The following HCLS1 variants were observed in gnomAD, a reference collection of about 807,000 sequenced individuals.
HCLS1 encodes the protein hematopoietic cell-specific Lyn substrate 1.
HCLS1 carries 44 observed loss-of-function variants against 68.6 expected under a neutral mutation model. That is an observed-to-expected ratio of 0.64 (90% CI 0.50 to 0.82). The LOEUF is 0.82. Ranked by LOEUF, HCLS1 falls within the 40% of genes least tolerant of loss-of-function variation. The pLI, the probability that HCLS1 is intolerant of heterozygous loss-of-function variation, is 0.00. For missense variants in HCLS1, 602 were observed against 612.1 expected, an observed-to-expected ratio of 0.98 and a Z score of 0.17; for synonymous variants, 217 against 225.8, an observed-to-expected ratio of 0.96 and a Z score of 0.35.
chr3:121,653,949 T>C (rs145890638), intron 3 of HCLS1: 115 of 152,346 alleles, frequency 7.5e-4, no homozygotes, highest in African/African-American at 2.5e-3. Context: ...GAAACTTTTA[T>C]AGCAATTTGA....
In HCLS1 at chr3:121,658,365, T is replaced by G; in HGVS notation, c.1-18A>C. 1 of 1,593,686 alleles carries G rather than the reference T, an allele frequency of 6.3e-7. No individual in the cohort carries two copies. The highest frequency in any genetic ancestry group is 8.6e-7 in the Non-Finnish European group (1 of 1,161,958). On this transcript the variant is annotated intron_variant, in intron 1 of 13. Transcript: ENST00000314583. ...TTCCACATCTGAGAGTGACCGGAGA[T>G]GGGAATAATTAGGGACAAAAAAGGA...
chr3:121,638,216 C>T (rs1452269770), intron 6 of HCLS1, among the ~76,000 whole-genome samples: 2 of 152,036 alleles, frequency 1.3e-5, no homozygotes, highest in African/African-American at 4.8e-5. Context: ...CAGGTGCCAC[C>T]ATGACTTGCT....
At chr3:121,646,316 A>G (rs1260529815) in intron 4 of HCLS1, among the ~76,000 whole-genome samples, 1 of 102,118 alleles carries the variant, frequency 9.8e-6, no homozygotes, top group African/African-American at 4.0e-5. Context: ...CTTATATAAT[A>G]TAATATATAT....
chr3:121,658,107 G>A (rs911954761), intron 2 of HCLS1, 157 bp downstream of exon 2: 1 of 644,378 alleles, frequency 1.6e-6, no homozygotes, highest in African/African-American at 1.8e-5. Flanking sequence ...ATGCCCCACA[G>A]GTGACAGCCA....
chr3:121,652,691 T>G (rs1162565429), intron 3 of HCLS1, among the ~76,000 whole-genome samples: 1 of 152,070 alleles, frequency 6.6e-6, no homozygotes, highest in Non-Finnish European at 1.5e-5. Flanking sequence ...TGAAAAATAA[T>G]AAAGTGAAGA....
chr3:121,638,297 A>G (rs2049168142), intron 6 of HCLS1, among the ~76,000 whole-genome samples: 1 of 152,146 alleles, frequency 6.6e-6, no homozygotes, highest in Non-Finnish European at 1.5e-5. Context: ...TCCTGGGCTC[A>G]AAGGACCCAC....
At position 121,632,380 on chromosome 3, in the gene HCLS1, C is replaced by T. The variant is rs1317265783; in HGVS notation, c.1192G>A (p.Glu398Lys). Residue 398 changes from glutamate to lysine, a missense_variant, in exon 12 of 14, where the codon GAG (glutamate) becomes AAG (lysine). By Grantham distance (56) the Glu-to-Lys change is moderately conservative (BLOSUM62 1). Coordinates refer to ENST00000314583, the MANE Select transcript of HCLS1 (RefSeq NM_005335.6). ...GAATCTTCAGGCTCGAGCACCTCCT[C>T]ATAGTCCCCCTCTGGTTCATCCTCC... The part of the protein sequence containing the change: ...EQEDEPEGDY[E>K]EVLEPEDSSF... The T allele has an allele frequency of 5.0e-6, 8 of 1,614,174 alleles. No homozygotes were observed. Among genetic ancestry groups the T allele is most frequent in the Non-Finnish European group, 5.9e-6 (7 of 1,180,018 alleles).
intron 7 of HCLS1, 48 bp from the exon 8 acceptor site, chr3:121,636,537 T>G: frequency 7.1e-7 from 1 of 1,407,922 alleles, no homozygotes; most frequent in Non-Finnish European, 1.0e-6. Context: ...ATGCTGGGAA[T>G]GGGTGGTGAG....
At chr3:121,642,072 T>G in intron 6 of HCLS1, among the ~76,000 whole-genome samples, 1 of 95,080 alleles carries the variant, frequency 1.1e-5, no homozygotes, top group African/African-American at 4.2e-5. Context: ...AGAGCCAGAC[T>G]CCGTCGCAAA....
rs528137850 is a variant in HCLS1 at position 121,644,711 on chromosome 3, A to G, written c.399+107T>C. ...ACGGTGTCAGGTCCTCACAGCATCC[A>G]CTGTCCTGTCTTTCAACAAAGAAGC... On this transcript the variant is annotated intron_variant, in intron 5 of 13. Transcript: ENST00000314583. The G allele has an allele frequency of 4.6e-5, 39 of 842,256 alleles. No individual in the cohort carries two copies. The East Asian group carries it at 9.2e-4, about 20-fold the overall frequency. 52.2% of individuals were successfully genotyped at this position (842,256 alleles called of 1,614,324 possible). A position where few individuals can be genotyped will look rare whatever the true frequency, so the allele number is the denominator to read the frequency against.
At chr3:121,651,865 T>C (rs1412958213) in intron 3 of HCLS1, among the ~76,000 whole-genome samples, 1 of 152,228 alleles carries the variant, frequency 6.6e-6, no homozygotes, top group Admixed American at 6.5e-5. Context: ...ACACTTATTA[T>C]ATGACTCAGC....
At chr3:121,637,036 C>T in intron 7 of HCLS1, 110 bp downstream of exon 7, 1 of 743,742 alleles carries the variant, frequency 1.3e-6, no homozygotes, top group Non-Finnish European at 2.4e-6. Context: ...GCACCCCCTG[C>T]TCTGCACATC....
At chr3:121,635,633 G>T in intron 9 of HCLS1, 102 bp downstream of exon 9, 1 of 913,420 alleles carries the variant, frequency 1.1e-6, no homozygotes, top group Non-Finnish European at 1.8e-6. Context: ...GTCTAACTCA[G>T]CTAATCTAGG....
intron 3 of HCLS1, chr3:121,655,513 C>T (rs1319099271): frequency 9.7e-6 from 1 of 102,820 alleles, no homozygotes; most frequent in African/African-American, 3.8e-5. Context: ...TATTGCAAGT[C>T]GTCATGGCGG....
rs1128163 is a variant in HCLS1, at chr3:121,631,726, A to G, written c.*120T>C. 0.24 allele frequency: 249,304 copies of G among 1,053,022 alleles called. 31,156 individuals carry two copies. Among genetic ancestry groups the G allele is most frequent in the East Asian group, 0.4 (15,971 of 39,814 alleles). 65.2% of individuals were successfully genotyped at this position (1,053,022 alleles called of 1,614,324 possible). A position where few individuals can be genotyped will look rare whatever the true frequency, so the allele number is the denominator to read the frequency against. ...TGCCCCAAGCCCTTAATGAAGCAGGAGAGGGAAGTCTGTCCAGAACCTCAT... is the reference window on the plus strand; with the variant it reads ...TGCCCCAAGCCCTTAATGAAGCAGGGGAGGGAAGTCTGTCCAGAACCTCAT... On this transcript the variant is annotated 3_prime_UTR_variant, in exon 14 of 14. Coordinates refer to ENST00000314583, the MANE Select transcript of HCLS1 (RefSeq NM_005335.6).
chr3:121,659,745 T>C (rs1298133969), intron 1 of HCLS1, among the ~76,000 whole-genome samples: 2 of 150,968 alleles, frequency 1.3e-5, no homozygotes, highest in African/African-American at 2.4e-5. Context: ...TCTCATCCCC[T>C]GGCTCCTGGG....
Position 121,633,124 on chromosome 3 carries a change from C to T in HCLS1, c.951G>A (p.Val317=). 6.2e-7 allele frequency: 1 copy of T among 1,613,228 alleles called. No individual in the cohort carries two copies. ...GTPPSSESEP[V]RTSREHPVPL... is the part of the protein sequence containing the mutation. ...GCACTGGGTGTTCCCTGCTGGTTCT[C>T]ACAGGCTCAGACTCTGATGATGGAG... The change falls in exon 11 of 14, where the codon GTG becomes GTA. Residue 317 remains valine, a synonymous_variant. Transcript: ENST00000314583.
intron 6 of HCLS1, 21 bp downstream of exon 6, chr3:121,642,906 A>T: frequency 6.3e-7 from 1 of 1,598,996 alleles, no homozygotes; most frequent in South Asian, 1.1e-5. Context: ...GCTGAGGCTG[A>T]GTGAAGTACA....
intron 6 of HCLS1, among the ~76,000 whole-genome samples, chr3:121,638,082 T>G (rs559565943): frequency 6.6e-6 from 1 of 152,230 alleles, no homozygotes; most frequent in East Asian, 1.9e-4. Context: ...TTTGGGGGAT[T>G]TTTTGTTTTT....
Sources: allele counts gnomAD v4.1 joint callset (sites outside exome capture counted in the v4.1 genomes callset), GRCh38; gene constraint gnomAD v4.1.1; transcripts MANE v1.5; gene names NCBI Gene and HGNC (gene_info 2026-07-23, HGNC 2026-07-21).